Variants in GNS observed in about 807,000 individuals in gnomAD.
GNS encodes the protein glucosamine (N-acetyl)-6-sulfatase.
Under a neutral mutation model 69.7 loss-of-function variants are expected in GNS, and 40 were observed. The observed-to-expected ratio is 0.57, with a 90% CI of 0.45 to 0.75. The LOEUF (loss-of-function observed/expected upper bound fraction) is 0.75. GNS is among the 30% of genes least tolerant of loss of function. The probability of loss-of-function intolerance (pLI) is 0.00; values close to 1 mark genes in which losing one functional copy is unlikely to be tolerated. For synonymous variants in GNS, 243 were observed against 251.6 expected (o/e 0.97, Z 0.32); for missense variants, 565 against 685.5 (o/e 0.82, Z 1.96).
chr12:64,719,178 T>G (rs974151153), intron 13 of GNS, among the ~76,000 whole-genome samples: 2 of 152,226 alleles, frequency 1.3e-5, no homozygotes, highest in African/African-American at 2.4e-5. Context: ...GTTTTTCTAC[T>G]CATTCACATT....
At chr12:64,754,646 T>C (rs1434916494) in intron 1 of GNS, among the ~76,000 whole-genome samples, 1 of 152,052 alleles carries the variant, frequency 6.6e-6, no homozygotes, top group African/African-American at 2.4e-5. Context: ...CCCAGCACTT[T>C]AGAAGGCAGA....
rs1217196853 is a variant in GNS, at chr12:64,715,160, A to G, written c.*1581T>C. The G allele has an allele frequency of 2.6e-5, 4 of 152,586 alleles. No individual in the cohort carries two copies. The highest frequency in any genetic ancestry group is 1.3e-4 in the Admixed American group (2 of 15,280). The allele number at this position is 152,586 out of a possible 1,614,324, so 9.5% of individuals were successfully genotyped here. A position where few individuals can be genotyped will look rare whatever the true frequency, so the allele number is the denominator to read the frequency against. On this transcript the variant is annotated 3_prime_UTR_variant, in exon 14 of 14. Coordinates refer to ENST00000258145, the MANE Select transcript of GNS (RefSeq NM_002076.4). ...CTCCTCCCCTGCTGTCTCACCACCA[A>G]TTAGCCTTCTTGTGAGGACAACATT...
intron 9 of GNS, among the ~76,000 whole-genome samples, chr12:64,732,169 GT>G (rs71093000): frequency 0.065 from 6,259 of 96,242 alleles, 515 homozygotes; most frequent in African/African-American, 0.21. Flanking sequence ...TTTTTTTGTT[GT>G]TTTTTTTTTT....
At chr12:64,723,429 A>G (rs1212283350) in intron 10 of GNS, among the ~76,000 whole-genome samples, 4 of 152,246 alleles carry the variant, frequency 2.6e-5, no homozygotes, top group Non-Finnish European at 2.9e-5. Context: ...CAAGTTGCTG[A>G]AAGTCCAGAC....
At chr12:64,757,495 T>C (rs553778451) in intron 1 of GNS, among the ~76,000 whole-genome samples, 1 of 152,264 alleles carries the variant, frequency 6.6e-6, no homozygotes, top group South Asian at 2.1e-4. Flanking sequence ...ACCTAAAGTG[T>C]AGGAGGAAAA....
intron 11 of GNS, 25 bp from the exon 12 acceptor site, chr12:64,721,730 A>G: frequency 8.7e-7 from 1 of 1,148,522 alleles, no homozygotes; most frequent in South Asian, 1.2e-5. Flanking sequence ...CAAAAGTTAA[A>G]TGAAGACAGT....
Position 64,723,028 on chromosome 12 carries a change from G to C in GNS, c.1286C>G (p.Pro429Arg). ...EGRNVTDPTC[P>R]SLSPGVSQCF... The stretch of plus-strand genomic sequence containing the variant: ...CACAGATACGCCAGGACTCAGGGAA[G>C]GGCATGTTGGGTCAGTGACGTTACG... Residue 429 changes from proline (P) to arginine (R), a missense_variant, in exon 11 of 14, where the codon CCT becomes CGT. Around this residue, in one of 2 missense-constraint regions of GNS, gnomAD observed 384 missense variants for 511.0 expected, o/e 0.75. Transcript: ENST00000258145. The C allele has an allele frequency of 6.2e-7, 1 of 1,605,752 alleles. No individual in the cohort carries two copies. The highest frequency in any genetic ancestry group is 8.5e-7 in the Non-Finnish European group (1 of 1,172,306).
intron 9 of GNS, 28 bp from the exon 10 acceptor site, chr12:64,729,085 G>C (rs201468892): frequency 1.7e-6 from 2 of 1,143,528 alleles, no homozygotes; most frequent in African/African-American, 3.0e-5. Context: ...AAACAATCTA[G>C]AACACAGCTG....
At chr12:64,722,178 C>T (rs1483730562) in intron 11 of GNS, among the ~76,000 whole-genome samples, 4 of 151,954 alleles carry the variant, frequency 2.6e-5, no homozygotes, top group Non-Finnish European at 5.9e-5. Flanking sequence ...CCACCACGCC[C>T]GGCTAATTTT....
Position 64,743,229 on chromosome 12 carries a change from T to G in GNS, c.704A>C (p.His235Pro). The G allele has an allele frequency of 6.2e-7, 1 of 1,613,038 alleles. No individual in the cohort carries two copies. The part of the protein sequence containing the change: ...FFMMIATPAP[H>P]SPWTAAPQYQ... ...CTGAGGTGCAGCTGTCCAAGGCGAATGAGGCGCTGGAGTGGCGATCATCAT... is the reference window on the plus strand; with the variant it reads ...CTGAGGTGCAGCTGTCCAAGGCGAAGGAGGCGCTGGAGTGGCGATCATCAT... Residue 235 changes from histidine to proline, a missense_variant, in exon 6 of 14, where the codon CAT becomes CCT. Physicochemically the swap from His to Pro is moderately conservative, Grantham distance 77. Coordinates refer to ENST00000258145, the MANE Select transcript of GNS (RefSeq NM_002076.4).
chr12:64,735,108 T>C (rs975287034), intron 9 of GNS, among the ~76,000 whole-genome samples: 1 of 152,104 alleles, frequency 6.6e-6, no homozygotes, highest in African/African-American at 2.4e-5. Context: ...AGACTCCATC[T>C]CAAAAAAAAT....
At position 64,723,179 on chromosome 12, in the gene GNS, T is replaced by G. The variant is rs2136237976; in HGVS notation, c.1201-66A>C. The G allele has an allele frequency of 4.0e-6, 4 of 1,009,028 alleles. No individual in the cohort carries two copies. In the East Asian group the frequency reaches 9.5e-5, roughly 24 times the overall value. 62.5% of individuals were successfully genotyped at this position (1,009,028 alleles called of 1,614,324 possible). ...ACTATGATAAAGATCACAAAGTAAT[T>G]GACTGCTAAAGGGGACCTGGGAGTC... On this transcript the variant is annotated intron_variant, in intron 10 of 13. Coordinates refer to ENST00000258145, the MANE Select transcript of GNS (RefSeq NM_002076.4).
At chr12:64,730,434 C>CAAAAAAAAAAAAAAAAAA (rs35692874) in intron 9 of GNS, among the ~76,000 whole-genome samples, 1 of 43,386 alleles carries the variant, frequency 2.3e-5, no homozygotes, top group African/African-American at 1.0e-4. Flanking sequence ...ATATGAAAGG[C>CAAAAAAAAAAAAAAAAAA]AAAAAAAAAA....
intron 12 of GNS, among the ~76,000 whole-genome samples, chr12:64,720,946 C>G (rs1463184952): frequency 6.6e-6 from 1 of 152,194 alleles, no homozygotes; most frequent in Non-Finnish European, 1.5e-5. Context: ...GAGGAAAGCT[C>G]TCTTGCTTGT....
At chr12:64,730,434 C>CAAA (rs35692874) in intron 9 of GNS, among the ~76,000 whole-genome samples, 41 of 43,358 alleles carry the variant, frequency 9.5e-4, no homozygotes, top group East Asian at 2.6e-3. Context: ...ATATGAAAGG[C>CAAA]AAAAAAAAAA....
chr12:64,734,463 A>G (rs537323990), intron 9 of GNS, among the ~76,000 whole-genome samples: 6 of 152,326 alleles, frequency 3.9e-5, no homozygotes, highest in African/African-American at 1.2e-4. Context: ...GGTAAACCAA[A>G]GCCCTAAAGG....
At chr12:64,716,893 T>G in intron 13 of GNS, 74 bp from the exon 14 acceptor site, 1 of 947,440 alleles carries the variant, frequency 1.1e-6, no homozygotes, top group Non-Finnish European at 1.7e-6. Context: ...GTGGAAAGGA[T>G]AGCAGGAAGG....
At chr12:64,755,195 A>C (rs976118904) in intron 1 of GNS, among the ~76,000 whole-genome samples, 24 of 152,172 alleles carry the variant, frequency 1.6e-4, no homozygotes, top group African/African-American at 5.6e-4. Context: ...TAAAACCCTA[A>C]AGAATCATTT....
At chr12:64,724,938 G>C (rs1869148911) in intron 10 of GNS, among the ~76,000 whole-genome samples, 1 of 152,202 alleles carries the variant, frequency 6.6e-6, no homozygotes, top group Non-Finnish European at 1.5e-5. Flanking sequence ...TGAGTGAACT[G>C]TCAGAATTGA....
Sources: gnomAD v4.1 joint callset for allele counts (sites outside exome capture counted in the v4.1 genomes callset) on GRCh38, gnomAD v4.1.1 for gene constraint, gnomAD v4.1.1 regional missense constraint, MANE v1.5 for transcripts, NCBI Gene and HGNC (gene_info 2026-07-23, HGNC 2026-07-21) for gene names.